GPAM: variants seen among roughly 807,000 people sequenced by gnomAD.
GPAM encodes glycerol-3-phosphate acyltransferase 1, mitochondrial.
In GPAM, 56 loss-of-function variants were observed where a neutral mutation model predicts 105.0. The ratio of observed to expected loss-of-function variants is 0.53; its 90% CI spans 0.43 to 0.67. The LOEUF is 0.67. GPAM is among the 30% of genes least tolerant of loss of function. The pLI is 0.00. For synonymous variants in GPAM, 368 were observed against 354.4 expected (o/e 1.04, Z -0.43); for missense variants, 855 against 989.8 (o/e 0.86, Z 1.83).
intron 17 of GPAM, 92 bp downstream of exon 17, chr10:112,159,819 A>G: frequency 2.4e-6 from 3 of 1,253,122 alleles, no homozygotes; most frequent in Non-Finnish European, 3.5e-6. Context: ...ACAATGGGTC[A>G]AACATTATCT....
In GPAM at chr10:112,172,252, T is replaced by C; in HGVS notation, c.724A>G (p.Ile242Val). Residue 242 changes from isoleucine to valine, a missense_variant, in exon 9 of 22, where the codon ATT (isoleucine) becomes GTT (valine). Physicochemically the swap from Ile to Val is conservative, Grantham distance 29 (BLOSUM62 3). Coordinates refer to ENST00000348367, the MANE Select transcript of GPAM (RefSeq NM_001244949.2). ...SHIDYLLLTF[I>V]LFCHNIKAPY... ...GCTTTGATGTTATGGCAGAAGAGAA[T>C]GAAAGTGAGCAGCAGATAGTCAATA... is the stretch of plus-strand genomic sequence containing the variant. The C allele has an allele frequency of 1.2e-6, 2 of 1,609,570 alleles. No individual in the cohort carries two copies. Among genetic ancestry groups the C allele is most frequent in the Non-Finnish European group, 1.7e-6 (2 of 1,175,944 alleles).
rs747801120 is a variant in GPAM at position 112,155,900 on chromosome 10, G to C, written c.2275C>G (p.Leu759Val). 27 of 1,608,886 alleles carry C rather than the reference G, an allele frequency of 1.7e-5. 1 individual carries two copies. Among genetic ancestry groups the C allele is most frequent in the Middle Eastern group, 1.7e-4 (1 of 6,006 alleles). ...PEYLQKLHKYLITRTERNVAV... is the reference protein window; with the variant it reads ...PEYLQKLHKYVITRTERNVAV... ...ACATTTCTTTCTGTTCTGGTTATTA[G>C]GTATTTGTGCAACTTTTGCAGATAC... Residue 759 changes from leucine (L) to valine (V), a missense_variant, in exon 20 of 22, where the codon CTA (leucine) becomes GTA (valine). By Grantham distance (32) the Leu-to-Val change is conservative (BLOSUM62 1). Transcript: ENST00000348367.
At chr10:112,184,371 T>C (rs1847565437), upstream of GPAM, among the ~76,000 whole-genome samples, 1 of 152,332 alleles carries the variant, frequency 6.6e-6, no homozygotes, top group Non-Finnish European at 1.5e-5. Context: ...AGAGTACATT[T>C]CAAAAGTTCT....
chr10:112,202,132 T>TA (rs1403241268), intron 1 of GPAM, among the ~76,000 whole-genome samples: 5 of 152,200 alleles, frequency 3.3e-5, no homozygotes, highest in Non-Finnish European at 4.4e-5. Flanking sequence ...CAGCACTTTT[T>TA]AAAAAATCAA....
At chr10:112,217,046 A>G (rs12414355), upstream of GPAM, among the ~76,000 whole-genome samples, 37,159 of 151,998 alleles carry the variant, frequency 0.24, 5,795 homozygotes, top group African/African-American at 0.43. Context: ...AAGCGTATAT[A>G]TAGTTCAGTG....
At chr10:112,217,165 C>A (rs778089737), upstream of GPAM, among the ~76,000 whole-genome samples, 1 of 152,138 alleles carries the variant, frequency 6.6e-6, no homozygotes, top group Non-Finnish European at 1.5e-5. Context: ...CGCAACTCTG[C>A]CAACACCTCA....
chr10:112,154,479 A>C (rs1483633547), intron 21 of GPAM, 150 bp downstream of exon 21: 1 of 679,644 alleles, frequency 1.5e-6, no homozygotes, highest in African/African-American at 1.8e-5. Flanking sequence ...CCCATCCTAC[A>C]TGCCCCGTTC....
In GPAM at chr10:112,168,544, TA is replaced by T; in HGVS notation, c.895-21del. ...TATATGCTGGGATATAAGAAGAAAG[TA>T]AAACATACATTCAAGACCACTCAAC... On this transcript the variant is annotated intron_variant, in intron 10 of 21. Coordinates refer to ENST00000348367, the MANE Select transcript of GPAM (RefSeq NM_001244949.2). 1 of 1,474,692 alleles carries T rather than the reference TA, an allele frequency of 6.8e-7. No homozygotes were observed. Among genetic ancestry groups the T allele is most frequent in the Non-Finnish European group, 9.5e-7 (1 of 1,052,698 alleles). 91.4% of individuals were successfully genotyped at this position (1,474,692 alleles called of 1,614,324 possible).
rs200096548 is a variant in GPAM at position 112,175,632 on chromosome 10, G to A, written c.381C>T (p.Thr127=). The change falls in exon 6 of 22, where the codon ACC becomes ACT. Residue 127 remains threonine (T), a synonymous_variant. Coordinates refer to ENST00000348367, the MANE Select transcript of GPAM (RefSeq NM_001244949.2). ...TGTTCAGCACATTTTCAGTCACATTGGTGGCAAACATGCCCTTATGCACAT... is the reference window on the plus strand; with the variant it reads ...TGTTCAGCACATTTTCAGTCACATTAGTGGCAAACATGCCCTTATGCACAT... ...ERDVHKGMFA[T]NVTENVLNSS... 4.0e-5 allele frequency: 65 copies of A among 1,609,940 alleles called. No individual in the cohort carries two copies. The East Asian group carries it at 1.2e-3, about 30-fold the overall frequency.
Position 112,173,701 on chromosome 10 carries a change from G to T in GPAM, c.558C>A (p.Ile186=). The T allele has an allele frequency of 6.2e-7, 1 of 1,613,714 alleles. No individual in the cohort carries two copies. The highest frequency in any genetic ancestry group is 1.1e-5 in the South Asian group (1 of 91,054). The part of the protein sequence containing the change: ...EMVATVSPAM[I]RLTGWVLLKL... The stretch of plus-strand genomic sequence containing the variant: ...CTTTCTGCCTTGCCTTTTAATACCT[G>T]ATCATTGCCGGTGAGACAGTGGCAA... Residue 186 remains isoleucine, a splice_region_variant and synonymous_variant, in exon 7 of 22, where the codon ATC becomes ATA. Coordinates refer to ENST00000348367, the MANE Select transcript of GPAM (RefSeq NM_001244949.2).
In GPAM at chr10:112,175,630, T is replaced by G; in HGVS notation, c.383A>C (p.Asn128Thr). 6.2e-7 allele frequency: 1 copy of G among 1,610,192 alleles called. No individual in the cohort carries two copies. ...GCTGTTCAGCACATTTTCAGTCACA[T>G]TGGTGGCAAACATGCCCTTATGCAC... ...RDVHKGMFAT[N>T]VTENVLNSSR... The change falls in exon 6 of 22, where the codon AAT becomes ACT. Residue 128 changes from asparagine to threonine, a missense_variant. Physicochemically the swap from Asn to Thr is moderately conservative, Grantham distance 65 (BLOSUM62 0). Coordinates refer to ENST00000348367, the MANE Select transcript of GPAM (RefSeq NM_001244949.2).
At position 112,151,515 on chromosome 10, in the gene GPAM, G is replaced by C. The variant is rs1846918601; in HGVS notation, c.*2035C>G. ...TCACAGTGAGTTAAGTGGTGAGAGA[G>C]CTAGCAAATCATACATTGCATTCCC... On this transcript the variant is annotated 3_prime_UTR_variant, in exon 22 of 22. Transcript: ENST00000348367. 4.1e-6 allele frequency: 4 copies of C among 985,692 alleles called. No homozygotes were observed. The highest frequency in any genetic ancestry group is 4.8e-6 in the Non-Finnish European group (4 of 829,818). The allele number at this position is 985,692 out of a possible 1,614,324, so 61.1% of individuals were successfully genotyped here.
rs1283184259 is a variant in GPAM, at chr10:112,180,464, G to A, written c.225+9C>T. 6.2e-7 allele frequency: 1 copy of A among 1,613,316 alleles called. No individual in the cohort carries two copies. The highest frequency in any genetic ancestry group is 2.2e-5 in the East Asian group (1 of 44,868). On this transcript the variant is annotated intron_variant, in intron 4 of 21. Transcript: ENST00000348367. ...GAGTATTAGGGTCAATAAGCAGTAA[G>A]GTTCTTACCCAGCTCTGGGGAGTGC... is the stretch of plus-strand genomic sequence containing the variant.
chr10:112,212,245 C>A (rs570597835), intron 1 of GPAM, among the ~76,000 whole-genome samples: 16 of 152,136 alleles, frequency 1.1e-4, no homozygotes, highest in Non-Finnish European at 1.9e-4. Flanking sequence ...TAGGTTGGTG[C>A]AAAAGTAATT....
At chr10:112,156,157 G>A (rs2133225595) in intron 19 of GPAM, 104 bp from the exon 20 acceptor site, 2 of 763,104 alleles carry the variant, frequency 2.6e-6, no homozygotes, top group Non-Finnish European at 4.6e-6. Context: ...TGAGAAGATG[G>A]CCACTCACAT....
chr10:112,213,646 AAGT>A (rs201897491), intron 1 of GPAM, among the ~76,000 whole-genome samples: 4,134 of 152,278 alleles, frequency 0.027, 67 homozygotes, highest in Non-Finnish European at 0.031. Context: ...ATAGCAGAAG[AAGT>A]AGATTTACTC....
At chr10:112,153,861 C>A in intron 21 of GPAM, 195 bp from the exon 22 acceptor site, 1 of 479,216 alleles carries the variant, frequency 2.1e-6, no homozygotes, top group Non-Finnish European at 3.5e-6. Context: ...ACAAGGTTTT[C>A]TTTTTCTATT....
At position 112,150,050 on chromosome 10, in the gene GPAM, G is replaced by A. The variant is rs1193589421; in HGVS notation, c.*3500C>T. The A allele has an allele frequency of 1.0e-6, 1 of 984,798 alleles. No homozygotes were observed. The highest frequency in any genetic ancestry group is 1.2e-6 in the Non-Finnish European group (1 of 829,354). The allele number at this position is 984,798 out of a possible 1,614,324, so 61.0% of individuals were successfully genotyped here. On this transcript the variant is annotated 3_prime_UTR_variant, in exon 22 of 22. Coordinates refer to ENST00000348367, the MANE Select transcript of GPAM (RefSeq NM_001244949.2). ...CATTTCTTTGTACAACAGGCAAATA[G>A]TTTAATACCTTCCATCAAGACATTT...
intron 16 of GPAM, 126 bp from the exon 17 acceptor site, chr10:112,160,179 A>C: frequency 1.9e-6 from 2 of 1,030,918 alleles, no homozygotes; most frequent in Non-Finnish European, 2.9e-6. Flanking sequence ...GGAGAAATTT[A>C]AGTAAATCCC....
Sources: gnomAD v4.1 joint callset for allele counts (sites outside exome capture counted in the v4.1 genomes callset) on GRCh38, gnomAD v4.1.1 for gene constraint, MANE v1.5 for transcripts, NCBI Gene and HGNC (gene_info 2026-07-23, HGNC 2026-07-21) for gene names.